Variants in DLC1 observed in about 807,000 individuals in gnomAD.
The protein encoded by DLC1 is DLC1 Rho GTPase activating protein, also known as rho GTPase-activating protein 7.
In DLC1, 54 loss-of-function variants were observed where a neutral mutation model predicts 140.3. The ratio of observed to expected loss-of-function variants is 0.38; its 90% CI spans 0.31 to 0.48. The LOEUF is 0.48. Ranked by LOEUF, DLC1 falls within the 20% of genes least tolerant of loss-of-function variation. The pLI is 0.96. For synonymous variants in DLC1, 986 were observed against 728.1 expected (o/e 1.35, Z -5.70); for missense variants, 2,536 against 1,907.0 (o/e 1.33, Z -6.14).
chr8:13,442,811 C>G (rs1798583843), intron 2 of DLC1, among the ~76,000 whole-genome samples: 1 of 152,164 alleles, frequency 6.6e-6, no homozygotes. Flanking sequence ...CCTCTGGGAT[C>G]TAGAACTAGA....
At chr8:13,286,718 G>C (rs1315010348) in intron 5 of DLC1, among the ~76,000 whole-genome samples, 1 of 90,126 alleles carries the variant, frequency 1.1e-5, no homozygotes, top group Non-Finnish European at 2.3e-5. Flanking sequence ...TTTGAAATAG[G>C]AAAAAAAATA....
At chr8:13,129,889 G>C (rs984010559) in intron 5 of DLC1, among the ~76,000 whole-genome samples, 2 of 152,170 alleles carry the variant, frequency 1.3e-5, no homozygotes, top group Non-Finnish European at 1.5e-5. Flanking sequence ...GGGTGGATCA[G>C]GTATTGTCTG....
intron 5 of DLC1, among the ~76,000 whole-genome samples, chr8:13,255,680 C>A (rs1017736537): frequency 2.0e-5 from 3 of 152,184 alleles, no homozygotes; most frequent in Non-Finnish European, 4.4e-5. Context: ...CTGTTCCCTT[C>A]TCTCCTACTT....
chr8:13,084,268 C>A lies in DLC1; in HGVS notation c.*1543G>T, dbSNP rs1208591227. The A allele has an allele frequency of 6.6e-6, 1 of 152,512 alleles. No individual in the cohort carries two copies. Among genetic ancestry groups the A allele is most frequent in the African/African-American group, 2.4e-5 (1 of 41,392 alleles). 9.4% of individuals were successfully genotyped at this position (152,512 alleles called of 1,614,324 possible). Reference sequence around the variant, plus strand: ...ATATCTTCATGAGGAACACTGATATCCAAAATACTCAAATTTTAAAACTCT... The same window carrying A: ...ATATCTTCATGAGGAACACTGATATACAAAATACTCAAATTTTAAAACTCT... On this transcript the variant is annotated 3_prime_UTR_variant, in exon 18 of 18. Transcript: ENST00000276297.
intron 5 of DLC1, among the ~76,000 whole-genome samples, chr8:13,169,089 G>A (rs1825291347): frequency 6.6e-6 from 1 of 152,164 alleles, no homozygotes; most frequent in Non-Finnish European, 1.5e-5. Flanking sequence ...CCTTGTTATG[G>A]ATCAGAAGGA....
chr8:13,401,366 G>A (rs1245446383), intron 3 of DLC1, 104 bp downstream of exon 3: 12 of 1,421,176 alleles, frequency 8.4e-6, no homozygotes, highest in Non-Finnish European at 1.1e-5. Context: ...GGGGTTACAT[G>A]TTGTTAGATG....
At chr8:13,316,009 A>G (rs1832847588) in intron 4 of DLC1, among the ~76,000 whole-genome samples, 1 of 152,234 alleles carries the variant, frequency 6.6e-6, no homozygotes, top group African/African-American at 2.4e-5. Context: ...ACTAAGTGAT[A>G]AACAGCCTCT....
At chr8:13,315,132 T>C (rs1310559971) in intron 4 of DLC1, among the ~76,000 whole-genome samples, 1 of 152,156 alleles carries the variant, frequency 6.6e-6, no homozygotes, top group Non-Finnish European at 1.5e-5. Context: ...ACCTGATGAA[T>C]GGCCTGGTGC....
At chr8:13,152,824 G>GAAAAAAAA (rs773483544) in intron 5 of DLC1, among the ~76,000 whole-genome samples, 32,622 of 91,660 alleles carry the variant, frequency 0.36, 7,012 homozygotes, top group East Asian at 0.52. Flanking sequence ...CTCTGGGGAA[G>GAAAAAAAA]AAAAAAAAAA....
Position 13,195,052 on chromosome 8 carries a change from C to G in DLC1, c.1349-79395G>C, listed in dbSNP as rs113046534. Among the ~76,000 whole-genome samples the G allele has an allele frequency of 3.4e-3, 512 of 152,228 alleles. 2 individuals are homozygous for G. Among genetic ancestry groups the G allele is most frequent in the Middle Eastern group, 0.01 (3 of 294 alleles). ...GTAAACCTAGAAAAACCAAACTCTC[C>G]TTTAAAAAATGCTTCAAATACACTG... On this transcript the variant is annotated intron_variant, in intron 5 of 17. Transcript: ENST00000276297.
intron 7 of DLC1, among the ~76,000 whole-genome samples, chr8:13,103,843 A>T: frequency 7.7e-6 from 1 of 129,800 alleles, no homozygotes; most frequent in East Asian, 2.1e-4. Flanking sequence ...CCATCTCAAA[A>T]AAAAAAAAAA....
At chr8:13,336,439 C>A (rs1328366096) in intron 4 of DLC1, among the ~76,000 whole-genome samples, 2 of 152,110 alleles carry the variant, frequency 1.3e-5, no homozygotes, top group Non-Finnish European at 2.9e-5. Context: ...ACTCTCAAAA[C>A]AAAGAAGTAT....
At chr8:13,541,360 A>G (rs1228780611) in intron 1 of DLC1, among the ~76,000 whole-genome samples, 1 of 151,912 alleles carries the variant, frequency 6.6e-6, no homozygotes, top group Non-Finnish European at 1.5e-5. Context: ...ATATTTAATT[A>G]CGTAAGACAC....
intron 5 of DLC1, among the ~76,000 whole-genome samples, chr8:13,162,004 G>A (rs1174020196): frequency 2.0e-5 from 3 of 152,124 alleles, no homozygotes; most frequent in Non-Finnish European, 4.4e-5. Flanking sequence ...CATAGCAGCC[G>A]TTTGGTATAT....
intron 4 of DLC1, among the ~76,000 whole-genome samples, chr8:13,369,560 G>A (rs912395845): frequency 3.9e-5 from 6 of 152,002 alleles, no homozygotes; most frequent in Non-Finnish European, 5.9e-5. Context: ...CTAGTAGCTC[G>A]GGCAGAAGCC....
At chr8:13,177,890 C>T (rs1825837698) in intron 5 of DLC1, among the ~76,000 whole-genome samples, 1 of 152,028 alleles carries the variant, frequency 6.6e-6, no homozygotes, top group African/African-American at 2.4e-5. Flanking sequence ...TTCTCTTATT[C>T]TTTCCATATT....
chr8:13,561,041 T>C (rs903264032), intron 1 of DLC1, among the ~76,000 whole-genome samples: 1 of 152,142 alleles, frequency 6.6e-6, no homozygotes, highest in African/African-American at 2.4e-5. Flanking sequence ...AAACTTTGTG[T>C]GCTAGTTCGT....
Position 13,120,356 on chromosome 8 carries a change from A to AAAAAAAAAAAAATATATATATATAT in DLC1, c.1349-4700_1349-4699insATATATATATATATTTTTTTTTTTT. Reference sequence around the variant, plus strand: ...AGACTCCGTCGCAAAAAAAAAAAAAAATATATATATATATAAAATGTATAT... The same window carrying AAAAAAAAAAAAATATATATATATAT: ...AGACTCCGTCGCAAAAAAAAAAAAAAAAAAAAAAAAAATATATATATATATATATATATATATATAAAATGTATAT... On this transcript the variant is annotated intron_variant, in intron 5 of 17. Coordinates refer to ENST00000276297, the MANE Select transcript of DLC1 (RefSeq NM_182643.3). Among the ~76,000 whole-genome samples the AAAAAAAAAAAAATATATATATATAT allele has an allele frequency of 9.8e-4, 60 of 61,080 alleles. 1 individual carries two copies. The highest frequency in any genetic ancestry group is 1.2e-3 in the Non-Finnish European group (31 of 26,580). The allele number at this position is 61,080 out of a possible 152,430, so 40.1% of individuals were successfully genotyped here. A position where few individuals can be genotyped will look rare whatever the true frequency, so the allele number is the denominator to read the frequency against.
intron 4 of DLC1, among the ~76,000 whole-genome samples, chr8:13,374,026 TG>T (rs748958809): frequency 8.5e-5 from 13 of 152,136 alleles, no homozygotes; most frequent in Non-Finnish European, 1.9e-4. Flanking sequence ...GCAGAAAAAG[TG>T]TGAATGAAGG....
Sources: allele counts gnomAD v4.1 joint callset (sites outside exome capture counted in the v4.1 genomes callset), GRCh38; gene constraint gnomAD v4.1.1; transcripts MANE v1.5; gene names NCBI Gene and HGNC (gene_info 2026-07-23, HGNC 2026-07-21).